CHD8: variants seen among roughly 807,000 people sequenced by gnomAD.
The protein encoded by CHD8 is chromodomain helicase DNA binding protein 8, also known as ATP-dependent chromatin remodeler CHD8.
Under a neutral mutation model 279.2 loss-of-function variants are expected in CHD8, and 31 were observed. The ratio of observed to expected loss-of-function variants is 0.11; its 90% CI spans 0.08 to 0.15. CHD8 has a LOEUF of 0.15. CHD8 is among the 10% of genes least tolerant of loss of function. The probability of loss-of-function intolerance (pLI) is 1.00; values close to 1 mark genes in which losing one functional copy is unlikely to be tolerated. For missense variants in CHD8, 2,146 were observed against 3,230.5 expected (o/e 0.66, Z 8.14); for synonymous variants, 1,081 against 1,139.6 (o/e 0.95, Z 1.04).
chr14:21,385,243 C>T lies in CHD8; in HGVS notation c.*370G>A, dbSNP rs1887172337. On this transcript the variant is annotated 3_prime_UTR_variant, in exon 38 of 38. Transcript: ENST00000646647. Reference sequence around the variant, plus strand: ...TTAATGCCAAGGGGAAAGAAGGTAACAGTTCCTGACCCTCCAGCTGTATCC... The same window carrying T: ...TTAATGCCAAGGGGAAAGAAGGTAATAGTTCCTGACCCTCCAGCTGTATCC... 4.4e-6 allele frequency: 1 copy of T among 225,000 alleles called. No individual in the cohort carries two copies. The highest frequency in any genetic ancestry group is 5.1e-5 in the Admixed American group (1 of 19,508). The allele number at this position is 225,000 out of a possible 1,614,324, so 13.9% of individuals were successfully genotyped here. A position where few individuals can be genotyped will look rare whatever the true frequency, so the allele number is the denominator to read the frequency against.
chr14:21,412,402 C>T (rs1484351143), intron 10 of CHD8, among the ~76,000 whole-genome samples: 1 of 152,070 alleles, frequency 6.6e-6, no homozygotes, highest in East Asian at 1.9e-4. Context: ...CCTCAGCCTC[C>T]CAAAGTGCTG....
At position 21,403,047 on chromosome 14, in the gene CHD8, A is replaced by G; in HGVS notation, c.3684T>C (p.Asp1228=). The G allele has an allele frequency of 1.2e-6, 2 of 1,614,046 alleles. No homozygotes were observed. Among genetic ancestry groups the G allele is most frequent in the Non-Finnish European group, 8.5e-7 (1 of 1,179,890 alleles). ...GGTCATTTTGTGGATTCCAGTCTGA[A>G]TCAAAGATGATGCAGGTATCAGCAG... ...LTAADTCIIF[D]SDWNPQNDLQ... Residue 1228 remains aspartate, a synonymous_variant, in exon 18 of 38, where the codon GAT becomes GAC. Coordinates refer to ENST00000646647, the MANE Select transcript of CHD8 (RefSeq NM_001170629.2). The surrounding 1 kb of genome is among the most constrained non-coding windows in gnomAD (Gnocchi z 4.3).
intron 1 of CHD8, among the ~76,000 whole-genome samples, chr14:21,437,626 G>A (rs1889843688): frequency 6.6e-6 from 1 of 152,116 alleles, no homozygotes; most frequent in Admixed American, 6.5e-5. Flanking sequence ...TGAATCCCCG[G>A]CCTTCTAGCA....
Position 21,402,153 on chromosome 14 carries a change from A to G in CHD8, c.3883-17T>C. On this transcript the variant is annotated splice_polypyrimidine_tract_variant and intron_variant, in intron 19 of 37. Coordinates refer to ENST00000646647, the MANE Select transcript of CHD8 (RefSeq NM_001170629.2). The surrounding 1 kb of genome is among the most constrained non-coding windows in gnomAD (Gnocchi z 4.5). Reference sequence around the variant, plus strand: ...CTGTTGGATCTGTAAAAACCAATAGAAAGATGAAAAGACTATCAAGAGAAT... The same window carrying G: ...CTGTTGGATCTGTAAAAACCAATAGGAAGATGAAAAGACTATCAAGAGAAT... 2 of 1,567,700 alleles carry G rather than the reference A, an allele frequency of 1.3e-6. No individual in the cohort carries two copies. The highest frequency in any genetic ancestry group is 2.0e-5 in the Admixed American group (1 of 50,848).
rs546144349 is a variant in CHD8 at position 21,402,522 on chromosome 14, G to A, written c.3715-19C>T. ...CCTGGGCCTGGTTTAAAATAAAAAC[G>A]AAAGGAAAGGAGAAAGATATCATAA... On this transcript the variant is annotated intron_variant, in intron 18 of 37. Transcript: ENST00000646647. The surrounding 1 kb of genome is among the most constrained non-coding windows in gnomAD (Gnocchi z 4.5). 3.2e-5 allele frequency: 50 copies of A among 1,560,840 alleles called. No individual in the cohort carries two copies. Among genetic ancestry groups the A allele is most frequent in the African/African-American group, 8.2e-5 (6 of 72,942 alleles).
intron 7 of CHD8, chr14:21,415,308 A>C (rs1888665032): frequency 1.1e-5 from 4 of 373,212 alleles, no homozygotes; most frequent in Non-Finnish European, 1.9e-5. Context: ...TCATTAAATA[A>C]AGCCTGTGAA....
intron 5 of CHD8, among the ~76,000 whole-genome samples, chr14:21,417,594 C>G (rs1161864477): frequency 3.3e-5 from 5 of 151,992 alleles, no homozygotes; most frequent in Non-Finnish European, 5.9e-5. Context: ...GTGGCTCACG[C>G]CTGTAATCCC....
At chr14:21,390,768 CAAAA>C (rs34364818) in intron 37 of CHD8, among the ~76,000 whole-genome samples, 175 bp downstream of exon 37, 118 of 136,468 alleles carry the variant, frequency 8.6e-4, no homozygotes, top group African/African-American at 3.1e-3. Context: ...GACTCCGTCT[CAAAA>C]AAAAAAAAAA....
chr14:21,408,697 C>T lies in CHD8; in HGVS notation c.2486+7G>A. On this transcript the variant is annotated splice_region_variant and intron_variant, in intron 12 of 37. Transcript: ENST00000646647. This position sits in a 1 kb window ranked among gnomAD's most constrained non-coding sequence, Gnocchi z 4.3. ...GCTTACATCTTATGGCCCATTCTTT[C>T]CTTTACCTGTTATACCAATTAAAGA... 1 of 1,608,822 alleles carries T rather than the reference C, an allele frequency of 6.2e-7. No homozygotes were observed.
intron 34 of CHD8, 105 bp downstream of exon 34, chr14:21,392,402 T>A (rs1183884631): frequency 8.7e-7 from 1 of 1,151,492 alleles, no homozygotes. Flanking sequence ...TTCTCATTTT[T>A]AAAATTAGCT....
chr14:21,450,878 G>A (rs1398729561), intron 1 of CHD8, among the ~76,000 whole-genome samples: 1 of 151,202 alleles, frequency 6.6e-6, no homozygotes, highest in East Asian at 1.9e-4. Flanking sequence ...CCAAAGGATT[G>A]GCACTATCAC....
chr14:21,437,155 G>T, intron 1 of CHD8: 1 of 1,082,832 alleles, frequency 9.2e-7, no homozygotes, highest in Non-Finnish European at 1.2e-6. Context: ...GAGAAAACGA[G>T]CTGTGCCTCA....
intron 9 of CHD8, 113 bp downstream of exon 9, chr14:21,414,188 C>T (rs1888623633): frequency 1.6e-6 from 1 of 636,744 alleles, no homozygotes; most frequent in Non-Finnish European, 2.8e-6. Flanking sequence ...TGAAAGTTTA[C>T]ACCCATATAT....
At chr14:21,452,928 A>G (rs888805437) in intron 1 of CHD8, among the ~76,000 whole-genome samples, 3 of 151,498 alleles carry the variant, frequency 2.0e-5, no homozygotes, top group African/African-American at 7.3e-5. Flanking sequence ...GCTTTCAGTG[A>G]GCAAAGATCG....
rs970463820 is a variant in CHD8, at chr14:21,403,300, A to G, written c.3519-88T>C. The G allele has an allele frequency of 1.5e-6, 2 of 1,369,154 alleles. No homozygotes were observed. The highest frequency in any genetic ancestry group is 2.4e-5 in the East Asian group (1 of 42,508). 84.8% of individuals were successfully genotyped at this position (1,369,154 alleles called of 1,614,324 possible). A position where few individuals can be genotyped will look rare whatever the true frequency, so the allele number is the denominator to read the frequency against. On this transcript the variant is annotated intron_variant, in intron 17 of 37. Transcript: ENST00000646647. The surrounding 1 kb of genome is among the most constrained non-coding windows in gnomAD (Gnocchi z 4.3). Reference sequence around the variant, plus strand: ...GGCTAGGATCAATACCAGTACTCCCATATCAAAGCTGGTCAAAAACCCAAG... The same window carrying G: ...GGCTAGGATCAATACCAGTACTCCCGTATCAAAGCTGGTCAAAAACCCAAG...
At chr14:21,398,046 TA>T in intron 26 of CHD8, 94 bp from the exon 27 acceptor site, 1 of 1,187,654 alleles carries the variant, frequency 8.4e-7, no homozygotes, top group Non-Finnish European at 1.2e-6. Flanking sequence ...ATATGTTCTA[TA>T]TTGCTCATAA....
rs907412959 is a variant in CHD8, at chr14:21,391,710, G to A, written c.6886-68C>T. On this transcript the variant is annotated intron_variant, in intron 35 of 37. Transcript: ENST00000646647. ...TGGGGGAGGGAGGGAGGGGGAGCAGGGCCAATGGTAGTCATGAAATGACTC... is the reference window on the plus strand; with the variant it reads ...TGGGGGAGGGAGGGAGGGGGAGCAGAGCCAATGGTAGTCATGAAATGACTC... 16 of 1,517,040 alleles carry A rather than the reference G, an allele frequency of 1.1e-5. No homozygotes were observed. In the African/African-American group the frequency reaches 2.1e-4, roughly 19 times the overall value. The allele number at this position is 1,517,040 out of a possible 1,614,324, so 94.0% of individuals were successfully genotyped here. A position where few individuals can be genotyped will look rare whatever the true frequency, so the allele number is the denominator to read the frequency against.
chr14:21,392,421 G>A, intron 34 of CHD8, 86 bp downstream of exon 34: 2 of 1,271,370 alleles, frequency 1.6e-6, no homozygotes, highest in South Asian at 1.4e-5. Flanking sequence ...CTAACCAAAT[G>A]AGTTTAGTAA....
chr14:21,399,870 T>G (rs56229026), intron 25 of CHD8, 111 bp downstream of exon 25: 1 of 1,052,492 alleles, frequency 9.5e-7, no homozygotes, highest in Non-Finnish European at 1.5e-6. Context: ...AGACCTGATA[T>G]ATAGATTTAA....
Sources: gnomAD v4.1 joint callset for allele counts (sites outside exome capture counted in the v4.1 genomes callset) on GRCh38, gnomAD v4.1.1 for gene constraint, Gnocchi (gnomAD v3.1) non-coding constraint, MANE v1.5 for transcripts, NCBI Gene and HGNC (gene_info 2026-07-23, HGNC 2026-07-21) for gene names.